PLAT: variants seen among roughly 807,000 people sequenced by gnomAD.
PLAT encodes plasminogen activator, tissue type.
Under a neutral mutation model 74.9 loss-of-function variants are expected in PLAT, and 48 were observed. That is an observed-to-expected ratio of 0.64 (90% CI 0.51 to 0.82). PLAT has a LOEUF of 0.82. Ranked by LOEUF, PLAT falls within the 40% of genes least tolerant of loss-of-function variation. The pLI, the probability that PLAT is intolerant of heterozygous loss-of-function variation, is 0.00. For synonymous variants in PLAT, 307 were observed against 294.4 expected (o/e 1.04, Z -0.44); for missense variants, 673 against 736.2 (o/e 0.91, Z 0.99).
chr8:42,192,115 C>A (rs906158174), intron 2 of PLAT, among the ~76,000 whole-genome samples: 13 of 151,760 alleles, frequency 8.6e-5, no homozygotes, highest in South Asian at 6.3e-4. Flanking sequence ...GCGATCCTCC[C>A]GCCTCAGCCT....
At chr8:42,185,637 C>A (rs1295296371) in intron 6 of PLAT, 1 of 153,090 alleles carries the variant, frequency 6.5e-6, no homozygotes, top group African/African-American at 2.4e-5. Context: ...CCTGTGTTTA[C>A]TTGGAGGTGA....
At chr8:42,198,874 C>T (rs1343438694) in intron 1 of PLAT, among the ~76,000 whole-genome samples, 4 of 152,152 alleles carry the variant, frequency 2.6e-5, no homozygotes, top group African/African-American at 9.7e-5. Context: ...TCTCCACTGC[C>T]ACCCCCGCCA....
In PLAT at chr8:42,180,549, G is replaced by A. The variant is rs775922707; in HGVS notation, c.1026C>T (p.Cys342=). The A allele has an allele frequency of 1.9e-6, 3 of 1,614,036 alleles. No homozygotes were observed. The change falls in exon 10 of 14, where the codon TGC becomes TGT. Residue 342 remains cysteine (C), a synonymous_variant. Coordinates refer to ENST00000220809, the MANE Select transcript of PLAT (RefSeq NM_000930.5). ...HRRSPGERFL[C]GGILISSCWI... is the part of the protein sequence containing the mutation. Reference sequence around the variant, plus strand: ...AGCAGGAGCTGATGAGTATGCCCCCGCACAGGAACCGCTCTCCGGGCGACC... The same window carrying A: ...AGCAGGAGCTGATGAGTATGCCCCCACACAGGAACCGCTCTCCGGGCGACC...
At chr8:42,187,100 C>G (rs187518494) in intron 6 of PLAT, 1 of 285,768 alleles carries the variant, frequency 3.5e-6, no homozygotes, top group East Asian at 5.8e-5. Flanking sequence ...TATCAATCAT[C>G]TATCAATCTA....
intron 5 of PLAT, 41 bp from the exon 6 acceptor site, chr8:42,187,613 C>T (rs1263390198): frequency 6.5e-7 from 1 of 1,533,198 alleles, no homozygotes; most frequent in Non-Finnish European, 8.8e-7. Context: ...ATGGGAGTCC[C>T]CTTTCATTCA....
intron 2 of PLAT, among the ~76,000 whole-genome samples, chr8:42,192,865 T>TA (rs1335753463): frequency 6.6e-6 from 1 of 152,194 alleles, no homozygotes; most frequent in Non-Finnish European, 1.5e-5. Flanking sequence ...AGTGGCATGT[T>TA]AATTCCGCTT....
intron 1 of PLAT, among the ~76,000 whole-genome samples, chr8:42,200,493 G>A (rs1438091738): frequency 6.7e-6 from 1 of 148,998 alleles, no homozygotes; most frequent in East Asian, 2.0e-4. Flanking sequence ...TGGGTAACAT[G>A]GCAAAACCCC....
At chr8:42,183,077 C>G (rs1252755576) in intron 7 of PLAT, among the ~76,000 whole-genome samples, 187 bp from the exon 8 acceptor site, 1 of 152,164 alleles carries the variant, frequency 6.6e-6, no homozygotes, top group African/African-American at 2.4e-5. Flanking sequence ...GATCTTGGCT[C>G]ACTGCAATCT....
In PLAT at chr8:42,180,034, A is replaced by C; in HGVS notation, c.1255T>G (p.Cys419Gly). 1 of 1,609,576 alleles carries C rather than the reference A, an allele frequency of 6.2e-7. No individual in the cohort carries two copies. Among genetic ancestry groups the C allele is most frequent in the Non-Finnish European group, 8.5e-7 (1 of 1,177,254 alleles). Residue 419 changes from cysteine to glycine, a missense_variant, in exon 12 of 14, where the codon TGT becomes GGT. By Grantham distance (159) the Cys-to-Gly change is radical. Coordinates refer to ENST00000220809, the MANE Select transcript of PLAT (RefSeq NM_000930.5). ...CGGACCACGCTGCTCTCCTGGGCAC[A>C]GCGGGACGAATCCGATTTCAGCTGC... ...LLQLKSDSSRCAQESSVVRTV... is the reference protein window; with the variant it reads ...LLQLKSDSSRGAQESSVVRTV...
At chr8:42,203,809 T>C (rs1025100847) in intron 1 of PLAT, among the ~76,000 whole-genome samples, 2 of 151,676 alleles carry the variant, frequency 1.3e-5, no homozygotes, top group Non-Finnish European at 2.9e-5. Flanking sequence ...TACAAAAAAA[T>C]TTTATAATTA....
intron 1 of PLAT, among the ~76,000 whole-genome samples, chr8:42,204,733 A>T (rs553089959): frequency 2.0e-5 from 3 of 149,036 alleles, no homozygotes; most frequent in African/African-American, 7.4e-5. Flanking sequence ...AAAAAAGAAA[A>T]GAAAAATTGG....
chr8:42,194,050 C>CTATTTT (rs1805797948), intron 1 of PLAT, among the ~76,000 whole-genome samples: 1 of 84,910 alleles, frequency 1.2e-5, no homozygotes, highest in East Asian at 3.8e-4. Context: ...TTTCTTCTTT[C>CTATTTT]TTTTTTTTTT....
intron 1 of PLAT, among the ~76,000 whole-genome samples, chr8:42,202,202 C>A (rs77812891): frequency 1.1e-4 from 14 of 127,378 alleles, no homozygotes; most frequent in Non-Finnish European, 1.8e-4. Flanking sequence ...TTTTTTTTTT[C>A]ATTTTTTTGT....
chr8:42,199,396 G>T (rs1009572271), intron 1 of PLAT, among the ~76,000 whole-genome samples: 1 of 152,110 alleles, frequency 6.6e-6, no homozygotes, highest in Non-Finnish European at 1.5e-5. Flanking sequence ...CACTTGAGGC[G>T]AGGAGTTCAA....
At chr8:42,186,069 G>A (rs530993796) in intron 6 of PLAT, 1 of 151,476 alleles carries the variant, frequency 6.6e-6, no homozygotes, top group East Asian at 1.9e-4. Context: ...GGACCCCAAC[G>A]TCATGAGCCA....
At chr8:42,178,264 C>CTTTTTTTT (rs5891180) in intron 13 of PLAT, among the ~76,000 whole-genome samples, 33 of 110,022 alleles carry the variant, frequency 3.0e-4, no homozygotes, top group African/African-American at 3.7e-4. Context: ...ACATTTCTTT[C>CTTTTTTTT]TTTTTTTTTT....
At chr8:42,180,805 T>C (rs1291579956) in intron 9 of PLAT, 120 bp from the exon 10 acceptor site, 1 of 677,854 alleles carries the variant, frequency 1.5e-6, no homozygotes, top group Non-Finnish European at 2.5e-6. Flanking sequence ...GGGATCAGCA[T>C]GCCGAATGTT....
chr8:42,182,550 C>A, intron 8 of PLAT, 169 bp downstream of exon 8: 1 of 535,142 alleles, frequency 1.9e-6, no homozygotes, highest in Non-Finnish European at 3.2e-6. Context: ...CCTTGCTTTT[C>A]ACAATATGTG....
chr8:42,207,334 G>A (rs1264446625), intron 1 of PLAT, among the ~76,000 whole-genome samples, 160 bp downstream of exon 1: 1 of 152,184 alleles, frequency 6.6e-6, no homozygotes, highest in East Asian at 1.9e-4. Flanking sequence ...AATGCAAACA[G>A]ACATCTCCCC....
Sources: gnomAD v4.1 joint callset for allele counts (sites outside exome capture counted in the v4.1 genomes callset) on GRCh38, gnomAD v4.1.1 for gene constraint, MANE v1.5 for transcripts, NCBI Gene and HGNC (gene_info 2026-07-23, HGNC 2026-07-21) for gene names.